SETD5: variants seen among roughly 807,000 people sequenced by gnomAD.
SETD5 encodes SET domain containing 5, also known as histone-lysine N-methyltransferase SETD5.
In SETD5, 44 loss-of-function variants were observed where a neutral mutation model predicts 153.3. The ratio of observed to expected loss-of-function variants is 0.29; its 90% CI spans 0.23 to 0.37. The LOEUF is 0.37. Ranked by LOEUF, SETD5 falls within the 10% of genes least tolerant of loss-of-function variation. The pLI, the probability that SETD5 is intolerant of heterozygous loss-of-function variation, is 1.00. For missense variants in SETD5, 1,544 were observed against 1,768.0 expected, an observed-to-expected ratio of 0.87 and a Z score of 2.27; for synonymous variants, 716 against 645.2, an observed-to-expected ratio of 1.11 and a Z score of -1.66.
chr3:9,444,683 G>T (rs1354435378), intron 11 of SETD5, among the ~76,000 whole-genome samples: 1 of 152,060 alleles, frequency 6.6e-6, no homozygotes, highest in African/African-American at 2.4e-5. Context: ...TTGAGCCCAG[G>T]AGTTCAAGAC....
rs780630348 is a variant in SETD5, at chr3:9,447,673, A to G, written c.1783-13A>G. 1.9e-6 allele frequency: 3 copies of G among 1,611,116 alleles called. No homozygotes were observed. The highest frequency in any genetic ancestry group is 2.5e-6 in the Non-Finnish European group (3 of 1,177,806). On this transcript the variant is annotated splice_polypyrimidine_tract_variant and intron_variant, in intron 14 of 22. Transcript: ENST00000402198. Reference sequence around the variant, plus strand: ...ACATTTCTGGTAAGCATCTGACCCTACTATTGCTACAGGATATTGCTGCAG... The same window carrying G: ...ACATTTCTGGTAAGCATCTGACCCTGCTATTGCTACAGGATATTGCTGCAG...
At chr3:9,419,481 G>T (rs927056227) in intron 1 of SETD5, among the ~76,000 whole-genome samples, 3 of 152,078 alleles carry the variant, frequency 2.0e-5, no homozygotes, top group Non-Finnish European at 4.4e-5. Context: ...TGAGAGGATC[G>T]CTTGAGCCCA....
chr3:9,469,093 A>G (rs1276193577), intron 18 of SETD5, among the ~76,000 whole-genome samples: 4 of 152,154 alleles, frequency 2.6e-5, no homozygotes, highest in Non-Finnish European at 5.9e-5. Flanking sequence ...AGGGAAAGTC[A>G]TTCTGTCTTT....
At chr3:9,399,772 G>A (rs1302353540) in intron 1 of SETD5, among the ~76,000 whole-genome samples, 1 of 151,658 alleles carries the variant, frequency 6.6e-6, no homozygotes. Flanking sequence ...GTGACCTTAG[G>A]ATTGTTTCTT....
In SETD5 at chr3:9,429,893, G is replaced by A. The variant is rs1206935063; in HGVS notation, c.71+884G>A. 6.1e-6 allele frequency: 8 copies of A among 1,303,774 alleles called. No homozygotes were observed. The Admixed American group carries it at 6.9e-5, about 11-fold the overall frequency. 80.8% of individuals were successfully genotyped at this position (1,303,774 alleles called of 1,614,324 possible). On this transcript the variant is annotated intron_variant, in intron 3 of 22. Transcript: ENST00000402198. ...CTACACCAGGATGTGAAAGTCCAGC[G>A]AAAGAGACCCAAGGGGCCTAGGGGG... is the stretch of plus-strand genomic sequence containing the variant.
intron 13 of SETD5, among the ~76,000 whole-genome samples, chr3:9,445,968 T>G (rs963471602): frequency 1.4e-5 from 2 of 144,500 alleles, no homozygotes; most frequent in East Asian, 2.0e-4. Context: ...AGAGGTTGTT[T>G]TTTTTTTTTT....
intron 17 of SETD5, among the ~76,000 whole-genome samples, chr3:9,457,248 G>A (rs2043366993): frequency 6.6e-6 from 1 of 152,104 alleles, no homozygotes; most frequent in African/African-American, 2.4e-5. Flanking sequence ...CAGCACTTTG[G>A]GAGGCCGAGA....
chr3:9,438,535 A>G (rs2040868960), intron 7 of SETD5, among the ~76,000 whole-genome samples: 1 of 152,216 alleles, frequency 6.6e-6, no homozygotes, highest in Non-Finnish European at 1.5e-5. Flanking sequence ...AGAAAAAAAA[A>G]TTACTAGTCA....
chr3:9,467,199 C>CAAAAAAAAAAAAAA, intron 18 of SETD5, among the ~76,000 whole-genome samples: 1 of 40,860 alleles, frequency 2.4e-5, no homozygotes, highest in Non-Finnish European at 5.4e-5. Flanking sequence ...GACTCTCTCT[C>CAAAAAAAAAAAAAA]AAAAAAAAAA....
At chr3:9,424,349 A>G (rs1429767847) in intron 1 of SETD5, 118 bp from the exon 2 acceptor site, 2 of 152,214 alleles carry the variant, frequency 1.3e-5, no homozygotes, top group African/African-American at 2.4e-5. Context: ...GAGATAGTAT[A>G]GATGTAGGAT....
Position 9,440,534 on chromosome 3 carries a change from C to A in SETD5, c.646C>A (p.Gln216Lys). 6.2e-7 allele frequency: 1 copy of A among 1,613,784 alleles called. No homozygotes were observed. Among genetic ancestry groups the A allele is most frequent in the Non-Finnish European group, 8.5e-7 (1 of 1,179,736 alleles). Residue 216 changes from glutamine to lysine, a missense_variant, in exon 8 of 23, where the codon CAG becomes AAG. Physicochemically the swap from Gln to Lys is moderately conservative, Grantham distance 53. This residue lies in a region of SETD5 where 251 missense variants were observed against 326.9 expected (regional missense o/e 0.77). Coordinates refer to ENST00000402198, the MANE Select transcript of SETD5 (RefSeq NM_001080517.3). ...WENRIRLWTD[Q>K]YEEAFTNQYS... ...AAATCGGATAAGACTATGGACTGAC[C>A]AGTATGAAGAAGCTTTCACTAATCA...
chr3:9,440,718 G>A lies in SETD5; in HGVS notation c.810+20G>A. 6.2e-7 allele frequency: 1 copy of A among 1,607,760 alleles called. No homozygotes were observed. Among genetic ancestry groups the A allele is most frequent in the African/African-American group, 1.3e-5 (1 of 74,922 alleles). On this transcript the variant is annotated intron_variant, in intron 8 of 22. Coordinates refer to ENST00000402198, the MANE Select transcript of SETD5 (RefSeq NM_001080517.3). The stretch of plus-strand genomic sequence containing the variant: ...ATGCAGGTAAGCACCAAAGGGTTGA[G>A]GACTCTCTAAGTAGCTGAAATTTTA...
At chr3:9,463,918 A>G (rs1044123251) in intron 17 of SETD5, among the ~76,000 whole-genome samples, 2 of 152,264 alleles carry the variant, frequency 1.3e-5, no homozygotes, top group African/African-American at 4.8e-5. Flanking sequence ...ACCTGAAGTC[A>G]GGAGTTGAAG....
chr3:9,443,453 C>A, intron 11 of SETD5, 36 bp downstream of exon 11: 1 of 1,126,300 alleles, frequency 8.9e-7, no homozygotes, highest in East Asian at 3.1e-5. Context: ...CAGGAATATC[C>A]ATGTCTTACA....
chr3:9,420,561 A>T (rs2038221517), intron 1 of SETD5, among the ~76,000 whole-genome samples: 1 of 152,132 alleles, frequency 6.6e-6, no homozygotes, highest in Non-Finnish European at 1.5e-5. Flanking sequence ...GAGAAAAGGA[A>T]ATTTTTATTT....
chr3:9,458,139 C>A (rs2043487322), intron 17 of SETD5, among the ~76,000 whole-genome samples: 2 of 151,970 alleles, frequency 1.3e-5, no homozygotes, highest in Non-Finnish European at 1.5e-5. Flanking sequence ...GAATTAGAAT[C>A]TAGCTGGACA....
chr3:9,448,594 C>T lies in SETD5; in HGVS notation c.2310C>T (p.Pro770=), dbSNP rs371870672. 35 of 1,605,994 alleles carry T rather than the reference C, an allele frequency of 2.2e-5. No individual in the cohort carries two copies. The highest frequency in any genetic ancestry group is 2.7e-5 in the Non-Finnish European group (32 of 1,174,618). Residue 770 remains proline, a synonymous_variant, in exon 16 of 23, where the codon CCC becomes CCT. Transcript: ENST00000402198. ...TTATCCCTGAGAGACGTCGAAGGCC[C>T]CTTCTGCCTGATGGCACATTCAGCT... The part of the protein sequence containing the change: ...SPFIPERRRR[P]LLPDGTFSSC...
chr3:9,473,174 T>C (rs1403542516), intron 19 of SETD5, 62 bp from the exon 20 acceptor site: 1 of 1,526,242 alleles, frequency 6.6e-7, no homozygotes, highest in Non-Finnish European at 8.8e-7. Context: ...CTGTTGCTGG[T>C]GATCCACTAA....
intron 1 of SETD5, among the ~76,000 whole-genome samples, chr3:9,418,085 C>T (rs767351535): frequency 2.6e-5 from 4 of 151,464 alleles, no homozygotes; most frequent in Admixed American, 6.6e-5. Flanking sequence ...GGACTACAGG[C>T]GCCTGCCACC....
Sources: allele counts gnomAD v4.1 joint callset (sites outside exome capture counted in the v4.1 genomes callset), GRCh38; gene constraint gnomAD v4.1.1; regional missense constraint gnomAD v4.1.1; transcripts MANE v1.5; gene names NCBI Gene and HGNC (gene_info 2026-07-23, HGNC 2026-07-21).